GPM6A: variants seen among roughly 807,000 people sequenced by gnomAD.
GPM6A encodes neuronal membrane glycoprotein M6-a.
Under a neutral mutation model 32.1 loss-of-function variants are expected in GPM6A, and 7 were observed. The observed-to-expected ratio is 0.22, with a 90% confidence interval of 0.12 to 0.41. The LOEUF (loss-of-function observed/expected upper bound fraction) is 0.41. GPM6A is among the 10% of genes least tolerant of loss of function. The pLI is 1.00. For synonymous variants in GPM6A, 130 were observed against 123.4 expected (o/e 1.05, Z -0.35); for missense variants, 235 against 347.2 (o/e 0.68, Z 2.57).
chr4:175,789,600 T>C (rs1369426878), intron 1 of GPM6A, among the ~76,000 whole-genome samples: 1 of 152,226 alleles, frequency 6.6e-6, no homozygotes, highest in Non-Finnish European at 1.5e-5. Context: ...ACATGAATTG[T>C]GTCCTAGGAC....
chr4:175,685,807 A>AC (rs577949754), intron 2 of GPM6A, among the ~76,000 whole-genome samples: 5 of 151,398 alleles, frequency 3.3e-5, no homozygotes, highest in South Asian at 2.1e-4. Context: ...ATTTTTATAC[A>AC]CCCCCCCACA....
In GPM6A at chr4:175,989,270, A is replaced by C. The variant is rs556295841; in HGVS notation, c.-23+13039T>G. Among the ~76,000 whole-genome samples, 3 of 152,278 alleles carry C rather than the reference A, an allele frequency of 2.0e-5. No individual in the cohort carries two copies. In the East Asian group the frequency reaches 5.8e-4, roughly 29 times the overall value. On this transcript the variant is annotated intron_variant, in intron 1 of 7. Coordinates refer to the GPM6A transcript ENST00000280187. Reference sequence around the variant, plus strand: ...GTTTTGAATCAGTCCTTGATGTAAAAGATAAGAGAGAACTGAATGAGTCTT... The same window carrying C: ...GTTTTGAATCAGTCCTTGATGTAAACGATAAGAGAGAACTGAATGAGTCTT...
chr4:175,924,326 C>T (rs985840446), intron 1 of GPM6A, among the ~76,000 whole-genome samples: 2 of 152,122 alleles, frequency 1.3e-5, no homozygotes, highest in African/African-American at 4.8e-5. Flanking sequence ...TAGGAACAGA[C>T]CAAAGTGGCA....
At chr4:175,814,592 A>G (rs1735042167), upstream of GPM6A, among the ~76,000 whole-genome samples, 1 of 152,218 alleles carries the variant, frequency 6.6e-6, no homozygotes, top group Admixed American at 6.5e-5. Context: ...GAATACACTC[A>G]TATAACCATT....
upstream of GPM6A, among the ~76,000 whole-genome samples, chr4:175,813,995 A>G (rs1735024949): frequency 6.6e-6 from 1 of 152,334 alleles, no homozygotes; most frequent in African/African-American, 2.4e-5. Context: ...GAGAGAAACC[A>G]TAAGGGAAAT....
chr4:175,974,229 C>CTAAATAAA (rs562981021), intron 1 of GPM6A, among the ~76,000 whole-genome samples: 1 of 151,824 alleles, frequency 6.6e-6, no homozygotes, highest in Non-Finnish European at 1.5e-5. Context: ...GACTTTGTCT[C>CTAAATAAA]TAAATAAATA....
chr4:175,855,696 G>A (rs1362326237), intron 1 of GPM6A, among the ~76,000 whole-genome samples: 2 of 152,082 alleles, frequency 1.3e-5, no homozygotes, highest in East Asian at 3.9e-4. Flanking sequence ...CTATTGGAGT[G>A]GAAATTTATA....
chr4:175,971,000 G>GA, intron 1 of GPM6A: 1 of 415,210 alleles, frequency 2.4e-6, no homozygotes, highest in Non-Finnish European at 4.7e-6. Context: ...GGAATTCAGT[G>GA]AAAGTTGCAA....
intron 1 of GPM6A, among the ~76,000 whole-genome samples, chr4:176,001,291 G>A (rs1178850528): frequency 6.6e-6 from 1 of 152,220 alleles, no homozygotes; most frequent in Non-Finnish European, 1.5e-5. Flanking sequence ...TTGGCTGGAA[G>A]AAGTGAGCGG....
intron 1 of GPM6A, among the ~76,000 whole-genome samples, chr4:175,722,853 G>T (rs1457886914): frequency 6.6e-6 from 1 of 150,404 alleles, no homozygotes; most frequent in African/African-American, 2.5e-5. Context: ...AGGCCTGTCT[G>T]GCCAACATGG....
intron 1 of GPM6A, among the ~76,000 whole-genome samples, chr4:175,900,550 G>A (rs1737931644): frequency 6.7e-6 from 1 of 149,652 alleles, no homozygotes; most frequent in Non-Finnish European, 1.5e-5. Context: ...TCAGAGAAAT[G>A]CAAATCAAAA....
intron 1 of GPM6A, among the ~76,000 whole-genome samples, chr4:175,997,939 C>G (rs543385915): frequency 9.8e-4 from 147 of 149,824 alleles, no homozygotes; most frequent in African/African-American, 3.5e-3. Context: ...TTCAATCAAA[C>G]AGGATTTATC....
At chr4:175,898,286 C>T (rs115802384) in intron 1 of GPM6A, among the ~76,000 whole-genome samples, 2,366 of 152,246 alleles carry the variant, frequency 0.016, 61 homozygotes, top group African/African-American at 0.053. Context: ...AAAACTCAAA[C>T]ATTTCCATAT....
At chr4:175,797,238 T>C (rs1367304444) in intron 1 of GPM6A, among the ~76,000 whole-genome samples, 1 of 152,208 alleles carries the variant, frequency 6.6e-6, no homozygotes, top group Non-Finnish European at 1.5e-5. Flanking sequence ...TTCATTTTAT[T>C]TGTGGATGAA....
intron 1 of GPM6A, among the ~76,000 whole-genome samples, chr4:175,703,223 C>CT (rs56839471): frequency 0.065 from 9,833 of 152,082 alleles, 593 homozygotes; most frequent in East Asian, 0.36. Context: ...CCAGGCTGGA[C>CT]TACAGTAGTG....
intron 1 of GPM6A, among the ~76,000 whole-genome samples, chr4:175,753,146 A>G (rs1339694706): frequency 1.3e-5 from 2 of 152,180 alleles, no homozygotes. Context: ...TTTCAACATC[A>G]TTAATATTTG....
At chr4:175,864,174 G>A (rs1417764365) in intron 1 of GPM6A, among the ~76,000 whole-genome samples, 1 of 152,006 alleles carries the variant, frequency 6.6e-6, no homozygotes, top group Admixed American at 6.6e-5. Context: ...ATTTGTTTTT[G>A]TTTTTGTTGT....
At chr4:175,652,607 G>T (rs929674140) in intron 3 of GPM6A, among the ~76,000 whole-genome samples, 1 of 151,568 alleles carries the variant, frequency 6.6e-6, no homozygotes, top group African/African-American at 2.4e-5. Context: ...TTTTAATTTT[G>T]AAAATACCCA....
chr4:175,931,877 G>T (rs1035136586), intron 1 of GPM6A, among the ~76,000 whole-genome samples: 9 of 151,934 alleles, frequency 5.9e-5, no homozygotes, highest in African/African-American at 2.2e-4. Flanking sequence ...TTGAGGCTGG[G>T]AGTTCAGGAC....
Sources: allele counts gnomAD v4.1 joint callset (sites outside exome capture counted in the v4.1 genomes callset), GRCh38; gene constraint gnomAD v4.1.1; transcripts MANE v1.5; gene names NCBI Gene and HGNC (gene_info 2026-07-23, HGNC 2026-07-21).